Variants in ZNF462 observed in about 807,000 individuals in gnomAD.
ZNF462 encodes zinc finger PBX1-interacting protein.
In ZNF462, 10 loss-of-function variants were observed where a neutral mutation model predicts 201.9. The ratio of observed to expected loss-of-function variants is 0.05; its 90% CI spans 0.03 to 0.08. The LOEUF is 0.08. Ranked by LOEUF, ZNF462 falls within the 10% of genes least tolerant of loss-of-function variation. ZNF462 has a pLI of 1.00. For missense variants in ZNF462, 2,523 were observed against 3,168.3 expected (o/e 0.80, Z 4.89); for synonymous variants, 1,227 against 1,193.3 (o/e 1.03, Z -0.58).
chr9:106,955,977 A>C (rs368535970), intron 7 of ZNF462, among the ~76,000 whole-genome samples: 1 of 152,124 alleles, frequency 6.6e-6, no homozygotes, highest in Admixed American at 6.6e-5. Context: ...AAAGTCATCC[A>C]TGAGAGTTGG....
At chr9:106,990,951 G>A (rs912517779) in intron 10 of ZNF462, among the ~76,000 whole-genome samples, 1 of 151,986 alleles carries the variant, frequency 6.6e-6, no homozygotes, top group East Asian at 1.9e-4. Flanking sequence ...TTTGTTAGGG[G>A]GAAAGATATA....
chr9:106,882,923 T>C (rs550771506), intron 1 of ZNF462, among the ~76,000 whole-genome samples: 2 of 152,322 alleles, frequency 1.3e-5, no homozygotes, highest in East Asian at 3.9e-4. Context: ...GAGTATGTAG[T>C]GTTTCCTATC....
At chr9:106,874,566 C>A (rs976934899) in intron 1 of ZNF462, among the ~76,000 whole-genome samples, 8 of 152,256 alleles carry the variant, frequency 5.3e-5, no homozygotes, top group African/African-American at 1.7e-4. Flanking sequence ...GCAAAGGAAT[C>A]ATTCATTCTC....
In ZNF462 at chr9:106,926,459, C is replaced by A. The variant is rs1243476069; in HGVS notation, c.2547C>A (p.Asp849Glu). The A allele has an allele frequency of 6.2e-7, 1 of 1,614,184 alleles. No individual in the cohort carries two copies. Among genetic ancestry groups the A allele is most frequent in the South Asian group, 1.1e-5 (1 of 91,090 alleles). Residue 849 changes from aspartate (D) to glutamate (E), a missense_variant, in exon 3 of 13, where the codon GAC becomes GAA. By Grantham distance (45) the Asp-to-Glu change is conservative. This residue lies in a region of ZNF462 where 11 missense variants were observed against 41.0 expected (regional missense o/e 0.27). Transcript: ENST00000277225. The surrounding 1 kb of genome is among the most constrained non-coding windows in gnomAD (Gnocchi z 7.9). ...SGRLYYCKHC[D>E]FNNKSARSVS... ...GGCTTTACTATTGTAAACACTGTGA[C>A]TTTAACAACAAATCTGCCCGGAGTG... is the stretch of plus-strand genomic sequence containing the variant.
At chr9:106,915,632 G>A (rs1025300311) in intron 1 of ZNF462, among the ~76,000 whole-genome samples, 4 of 152,192 alleles carry the variant, frequency 2.6e-5, no homozygotes, top group Admixed American at 6.5e-5. Flanking sequence ...CAGTTGGTTA[G>A]TTTGATAAGA....
At position 107,008,306 on chromosome 9, in the gene ZNF462, G is replaced by A. The variant is rs1829703916; in HGVS notation, c.7190-1239G>A. On this transcript the variant is annotated intron_variant, in intron 11 of 12. Coordinates refer to ENST00000277225, the MANE Select transcript of ZNF462 (RefSeq NM_021224.6). This position sits in a 1 kb window ranked among gnomAD's most constrained non-coding sequence, Gnocchi z 4.8. ...AATTATTTTTAATGGCTTGTGTGGT[G>A]ATCTTCTTAATTTGTGAGAAAATGT... Among the ~76,000 whole-genome samples, 1 of 152,186 alleles carries A rather than the reference G, an allele frequency of 6.6e-6. No individual in the cohort carries two copies. Among genetic ancestry groups the A allele is most frequent in the South Asian group, 2.1e-4 (1 of 4,828 alleles).
intron 1 of ZNF462, among the ~76,000 whole-genome samples, chr9:106,909,428 A>G (rs1160642908): frequency 6.6e-6 from 1 of 152,138 alleles, no homozygotes; most frequent in Non-Finnish European, 1.5e-5. Context: ...TTTTAGTTCT[A>G]AATGTAAGTG....
intron 1 of ZNF462, among the ~76,000 whole-genome samples, chr9:106,916,529 C>T (rs932597251): frequency 3.3e-5 from 5 of 152,264 alleles, no homozygotes; most frequent in Admixed American, 6.5e-5. Flanking sequence ...AAAGCAACAC[C>T]GTGATTTTCT....
intron 10 of ZNF462, among the ~76,000 whole-genome samples, chr9:107,000,426 G>T (rs1480567353): frequency 6.6e-6 from 1 of 152,040 alleles, no homozygotes; most frequent in African/African-American, 2.4e-5. Flanking sequence ...AGGGGAAGGG[G>T]CTGGCAGTAA....
chr9:106,987,004 GATAGA>G (rs1338966575), intron 10 of ZNF462, among the ~76,000 whole-genome samples: 1 of 151,834 alleles, frequency 6.6e-6, no homozygotes, highest in Admixed American at 6.6e-5. Context: ...TAGATAGATA[GATAGA>G]TAGATAGATA....
At chr9:106,888,277 G>A (rs1232630759) in intron 1 of ZNF462, among the ~76,000 whole-genome samples, 3 of 152,006 alleles carry the variant, frequency 2.0e-5, no homozygotes, top group East Asian at 3.9e-4. Context: ...TCCTGACCTC[G>A]TGATCCGCCC....
In ZNF462 at chr9:106,984,573, A is replaced by AT. The variant is rs1827687407; in HGVS notation, c.7056+169dup. Among the ~76,000 whole-genome samples, 6 of 152,300 alleles carry AT rather than the reference A, an allele frequency of 3.9e-5. No homozygotes were observed. In the South Asian group the frequency reaches 1.2e-3, roughly 32 times the overall value. ...TTTCTTCTATTAGAAACGTAAGGTC[A>AT]TTTTTAAAAATTGCGAAACACAGGT... On this transcript the variant is annotated intron_variant, in intron 10 of 12. Coordinates refer to ENST00000277225, the MANE Select transcript of ZNF462 (RefSeq NM_021224.6). This position sits in a 1 kb window ranked among gnomAD's most constrained non-coding sequence, Gnocchi z 6.4.
chr9:106,943,012 A>G (rs1415200104), intron 7 of ZNF462, among the ~76,000 whole-genome samples: 1 of 151,826 alleles, frequency 6.6e-6, no homozygotes, highest in African/African-American at 2.4e-5. Context: ...GACCAGGTGC[A>G]AAATGAATAA....
At chr9:106,892,075 T>C (rs1391851325) in intron 1 of ZNF462, among the ~76,000 whole-genome samples, 1 of 152,154 alleles carries the variant, frequency 6.6e-6, no homozygotes, top group African/African-American at 2.4e-5. Flanking sequence ...GGGGATTCCA[T>C]TTGAGGCTGT....
Position 106,935,408 on chromosome 9 carries a change from C to G in ZNF462, c.6117-95C>G. 1 of 1,061,588 alleles carries G rather than the reference C, an allele frequency of 9.4e-7. No homozygotes were observed. The highest frequency in any genetic ancestry group is 1.6e-5 in the African/African-American group (1 of 64,284). The allele number at this position is 1,061,588 out of a possible 1,614,324, so 65.8% of individuals were successfully genotyped here. A position where few individuals can be genotyped will look rare whatever the true frequency, so the allele number is the denominator to read the frequency against. On this transcript the variant is annotated intron_variant, in intron 5 of 12. Coordinates refer to ENST00000277225, the MANE Select transcript of ZNF462 (RefSeq NM_021224.6). The surrounding 1 kb of genome is among the most constrained non-coding windows in gnomAD (Gnocchi z 4.1). ...AGTAAACAAAAGGACTTTGAACGAC[C>G]TAGAAGTAGGATTCCTGGAAAAAAA...
chr9:106,988,604 A>C (rs1454306528), intron 10 of ZNF462, among the ~76,000 whole-genome samples: 2 of 152,136 alleles, frequency 1.3e-5, no homozygotes, highest in Non-Finnish European at 2.9e-5. Context: ...TGCAGATTGC[A>C]TTAAATTTGT....
chr9:107,010,690 T>C lies in ZNF462; in HGVS notation c.7314-133T>C. 2.5e-6 allele frequency: 2 copies of C among 802,422 alleles called. No individual in the cohort carries two copies. The highest frequency in any genetic ancestry group is 1.9e-6 in the Non-Finnish European group (1 of 526,982). 49.7% of individuals were successfully genotyped at this position (802,422 alleles called of 1,614,324 possible). ...TATTTTGTCATACACCCATGGCATT[T>C]GTTCAAAGGAAACCCCAAGGCTTTT... On this transcript the variant is annotated intron_variant, in intron 12 of 12. Coordinates refer to ENST00000277225, the MANE Select transcript of ZNF462 (RefSeq NM_021224.6). This position sits in a 1 kb window ranked among gnomAD's most constrained non-coding sequence, Gnocchi z 4.6.
intron 7 of ZNF462, among the ~76,000 whole-genome samples, chr9:106,955,714 G>T (rs1831543726): frequency 6.6e-6 from 1 of 152,158 alleles, no homozygotes; most frequent in Admixed American, 6.6e-5. Flanking sequence ...TATCAGCTAA[G>T]TTTATGAAAT....
intron 1 of ZNF462, among the ~76,000 whole-genome samples, chr9:106,910,026 A>G (rs1588038861): frequency 1.3e-5 from 2 of 151,922 alleles, no homozygotes; most frequent in South Asian, 2.1e-4. Flanking sequence ...GCTTTCATCT[A>G]CTTGTCCTTT....
Sources: gnomAD v4.1 joint callset for allele counts (sites outside exome capture counted in the v4.1 genomes callset) on GRCh38, gnomAD v4.1.1 for gene constraint, gnomAD v4.1.1 regional missense constraint, Gnocchi (gnomAD v3.1) non-coding constraint, MANE v1.5 for transcripts, NCBI Gene and HGNC (gene_info 2026-07-23, HGNC 2026-07-21) for gene names.